WRN: variants seen among roughly 807,000 people sequenced by gnomAD.
WRN encodes WRN RecQ like helicase.
In WRN, 149 loss-of-function variants were observed where a neutral mutation model predicts 180.7. That is an observed-to-expected ratio of 0.82 (90% confidence interval 0.72 to 0.94). The LOEUF (loss-of-function observed/expected upper bound fraction) is 0.94. Among genes scored for constraint, WRN ranks in the 40% least tolerant of loss-of-function variants. The probability of loss-of-function intolerance (pLI) is 0.00; values close to 1 mark genes in which losing one functional copy is unlikely to be tolerated. For missense variants in WRN, 1,661 were observed against 1,700.1 expected (o/e 0.98, Z 0.40); for synonymous variants, 548 against 568.9 (o/e 0.96, Z 0.52).
intron 17 of WRN, among the ~76,000 whole-genome samples, chr8:31,100,196 A>G (rs1406632605): frequency 6.6e-6 from 1 of 152,226 alleles, no homozygotes; most frequent in Non-Finnish European, 1.5e-5. Context: ...GACATGCATT[A>G]CAACACACTA....
At chr8:31,159,786 A>G (rs1378483338) in intron 33 of WRN, among the ~76,000 whole-genome samples, 1 of 152,030 alleles carries the variant, frequency 6.6e-6, no homozygotes, top group Non-Finnish European at 1.5e-5. Context: ...CTCTACTGAA[A>G]ATACAAAAAT....
intron 8 of WRN, among the ~76,000 whole-genome samples, 184 bp from the exon 9 acceptor site, chr8:31,080,683 C>T (rs1035305835): frequency 6.6e-5 from 10 of 151,944 alleles, no homozygotes; most frequent in African/African-American, 2.4e-4. Flanking sequence ...TGCCTTGATG[C>T]TAGAGAGTAG....
chr8:31,132,457 T>C lies in WRN; in HGVS notation c.2918T>C (p.Leu973Ser), dbSNP rs748216889. The C allele has an allele frequency of 6.2e-7, 1 of 1,614,174 alleles. No homozygotes were observed. Among genetic ancestry groups the C allele is most frequent in the South Asian group, 1.1e-5 (1 of 91,080 alleles). Reference protein sequence around the residue: ...AFKLLSAVDILGEKFGIGLPI... With the variant: ...AFKLLSAVDISGEKFGIGLPI... The stretch of plus-strand genomic sequence containing the variant: ...AAGCTTTTGTCTGCTGTGGACATCT[T>C]AGGCGAAAAATTTGGAATTGGGCTT... Residue 973 changes from leucine (L) to serine (S), a missense_variant, in exon 24 of 35, where the codon TTA becomes TCA. By Grantham distance (145) the Leu-to-Ser change is moderately radical. Coordinates refer to ENST00000298139, the MANE Select transcript of WRN (RefSeq NM_000553.6).
chr8:31,163,714 A>G (rs1803727609), intron 33 of WRN, among the ~76,000 whole-genome samples: 1 of 152,166 alleles, frequency 6.6e-6, no homozygotes, highest in South Asian at 2.1e-4. Context: ...AAAAATTCTT[A>G]AGATATACTT....
intron 18 of WRN, among the ~76,000 whole-genome samples, chr8:31,101,620 C>G (rs2725330): frequency 6.6e-6 from 1 of 151,694 alleles, no homozygotes; most frequent in African/African-American, 2.4e-5. Flanking sequence ...AACCCTGTCT[C>G]TACTAAAAAT....
At chr8:31,172,565 C>T (rs1399431671) in intron 34 of WRN, among the ~76,000 whole-genome samples, 3 of 152,186 alleles carry the variant, frequency 2.0e-5, no homozygotes, top group African/African-American at 7.2e-5. Context: ...GTCTACCTAC[C>T]GTTGTAGATG....
rs575752108 is a variant in WRN at position 31,115,353 on chromosome 8, T to G, written c.2274-1001T>G. On this transcript the variant is annotated intron_variant, in intron 19 of 34. Coordinates refer to ENST00000298139, the MANE Select transcript of WRN (RefSeq NM_000553.6). ...CTCTTGTAGTGAAATTATTGCCTTG[T>G]TTCCTCTGCTTAAGTTTTCAGTGGC... 7.9e-5 allele frequency among the ~76,000 whole-genome samples: 12 copies of G among 152,382 alleles called. No individual in the cohort carries two copies. The East Asian group carries it at 2.1e-3, about 27-fold the overall frequency.
At chr8:31,049,250 G>T (rs1249495477) in intron 1 of WRN, among the ~76,000 whole-genome samples, 1 of 141,444 alleles carries the variant, frequency 7.1e-6, no homozygotes, top group Non-Finnish European at 1.5e-5. Flanking sequence ...AAGAAAATAG[G>T]CCCAGCAAGG....
chr8:31,060,095 A>G (rs184418599), intron 3 of WRN, among the ~76,000 whole-genome samples: 1 of 152,148 alleles, frequency 6.6e-6, no homozygotes, highest in East Asian at 1.9e-4. Context: ...ACAAACAAAC[A>G]AAAAACATTA....
intron 17 of WRN, among the ~76,000 whole-genome samples, chr8:31,100,099 G>C (rs1314619500): frequency 1.3e-5 from 2 of 152,190 alleles, no homozygotes; most frequent in African/African-American, 4.8e-5. Context: ...GTATCAATTT[G>C]TTAATTGAGG....
intron 5 of WRN, among the ~76,000 whole-genome samples, 177 bp from the exon 6 acceptor site, chr8:31,066,856 T>G (rs774945646): frequency 6.6e-6 from 1 of 152,198 alleles, no homozygotes; most frequent in South Asian, 2.1e-4. Context: ...ATTAAATTCT[T>G]ACAATGTGGA....
At chr8:31,167,759 T>C (rs1441075791) in intron 34 of WRN, among the ~76,000 whole-genome samples, 1 of 152,118 alleles carries the variant, frequency 6.6e-6, no homozygotes, top group Non-Finnish European at 1.5e-5. Flanking sequence ...GTACGTTTTA[T>C]TAAAATCAAA....
chr8:31,155,622 CAAAA>C (rs748568497), intron 32 of WRN, among the ~76,000 whole-genome samples: 3 of 98,316 alleles, frequency 3.1e-5, no homozygotes, highest in Non-Finnish European at 4.2e-5. Context: ...ACTCGGTCTC[CAAAA>C]AAAAAAAAAA....
At chr8:31,091,057 T>C in intron 15 of WRN, 115 bp downstream of exon 15, 1 of 818,366 alleles carries the variant, frequency 1.2e-6, no homozygotes. Flanking sequence ...TCTGCAGGTA[T>C]TGCTTTATCT....
chr8:31,098,282 A>G (rs563635113), intron 17 of WRN, among the ~76,000 whole-genome samples: 2 of 152,268 alleles, frequency 1.3e-5, no homozygotes, highest in South Asian at 4.1e-4. Context: ...TATAAATTTC[A>G]TGGTTGTATT....
intron 12 of WRN, 51 bp from the exon 13 acceptor site, chr8:31,088,839 A>G (rs371834924): frequency 2.0e-5 from 29 of 1,439,496 alleles, no homozygotes; most frequent in African/African-American, 4.2e-5. Context: ...TTCTCCCTCT[A>G]TGTGGTGTTT....
At chr8:31,143,864 TG>T (rs1261987336) in intron 28 of WRN, among the ~76,000 whole-genome samples, 1 of 152,180 alleles carries the variant, frequency 6.6e-6, no homozygotes. Context: ...GAACTTTATA[TG>T]TGATATCTCA....
chr8:31,116,413 A>G lies in WRN; in HGVS notation c.2333A>G (p.Gln778Arg). ...IIYCPSRKMT[Q>R]QVTGELRKLN... ...TACTGTCCTTCTAGAAAAATGACAC[A>G]ACAAGTTACAGGTGAACTTAGGAAA... is the stretch of plus-strand genomic sequence containing the variant. Residue 778 changes from glutamine (Q) to arginine (R), a missense_variant, in exon 20 of 35, where the codon CAA becomes CGA. This residue lies in a region of WRN where 1,141 missense variants were observed against 1,149.4 expected (regional missense o/e 0.99). Transcript: ENST00000298139. The G allele has an allele frequency of 6.2e-7, 1 of 1,614,082 alleles. No individual in the cohort carries two copies. Among genetic ancestry groups the G allele is most frequent in the South Asian group, 1.1e-5 (1 of 91,082 alleles).
chr8:31,091,308 A>T (rs1813740209), intron 15 of WRN, among the ~76,000 whole-genome samples: 1 of 152,098 alleles, frequency 6.6e-6, no homozygotes, highest in Non-Finnish European at 1.5e-5. Context: ...AGCTTCTTCA[A>T]CCTGAGCTTG....
Sources: gnomAD v4.1 joint callset for allele counts (sites outside exome capture counted in the v4.1 genomes callset) on GRCh38, gnomAD v4.1.1 for gene constraint, gnomAD v4.1.1 regional missense constraint, MANE v1.5 for transcripts, NCBI Gene and HGNC (gene_info 2026-07-23, HGNC 2026-07-21) for gene names.